Variants in SRR observed in about 807,000 individuals in gnomAD.
SRR encodes the protein D-serine ammonia-lyase.
Under a neutral mutation model 32.7 loss-of-function variants are expected in SRR, and 19 were observed. The ratio of observed to expected loss-of-function variants is 0.58; its 90% CI spans 0.40 to 0.85. SRR has a LOEUF of 0.85. Ranked by LOEUF, SRR falls within the 40% of genes least tolerant of loss-of-function variation. The probability of loss-of-function intolerance (pLI) is 0.00; values close to 1 mark genes in which losing one functional copy is unlikely to be tolerated. For missense variants in SRR, 373 were observed against 404.7 expected (o/e 0.92, Z 0.67); for synonymous variants, 142 against 140.9 (o/e 1.01, Z -0.06).
intron 1 of SRR, among the ~76,000 whole-genome samples, chr17:2,313,246 A>G (rs1395542787): frequency 1.3e-5 from 2 of 151,972 alleles, no homozygotes; most frequent in Non-Finnish European, 2.9e-5. Flanking sequence ...CCTGGCCAAC[A>G]TGGTGAAACC....
intron 2 of SRR, among the ~76,000 whole-genome samples, chr17:2,316,879 ATTTTT>A (rs536120942): frequency 8.1e-6 from 1 of 123,788 alleles, no homozygotes; most frequent in Admixed American, 8.5e-5. Flanking sequence ...CGCCCAGCTA[ATTTTT>A]TTTTTTTTTT....
chr17:2,322,986 A>T, intron 6 of SRR, 150 bp from the exon 7 acceptor site: 1 of 711,206 alleles, frequency 1.4e-6, no homozygotes, highest in South Asian at 1.8e-5. Context: ...GCTGGTCTTG[A>T]ACTCCTGACC....
At chr17:2,309,568 A>G (rs995783710) in intron 1 of SRR, among the ~76,000 whole-genome samples, 5 of 152,020 alleles carry the variant, frequency 3.3e-5, no homozygotes, top group African/African-American at 1.2e-4. Flanking sequence ...TCCAGTTCCC[A>G]CTAATGTTCC....
Position 2,317,908 on chromosome 17 carries a change from T to C in SRR, c.207T>C (p.Pro69=), listed in dbSNP as rs1269732260. Residue 69 remains proline (P), a synonymous_variant, in exon 3 of 8, where the codon CCT becomes CCC. Transcript: ENST00000344595. The part of the protein sequence containing the change: ...GALNAVRSLV[P]DALERKPKAV... The stretch of plus-strand genomic sequence containing the variant: ...TCAATGCCGTCAGAAGCTTGGTTCC[T>C]GATGCTTTAGAAAGGAAGCCGAAAG... The C allele has an allele frequency of 3.1e-6, 5 of 1,613,866 alleles. No individual in the cohort carries two copies. The South Asian group carries it at 3.3e-5, about 11-fold the overall frequency.
At position 2,324,887 on chromosome 17, in the gene SRR, T is replaced by C. The variant is rs1315078405; in HGVS notation, c.*1014T>C. The C allele has an allele frequency of 2.6e-5, 41 of 1,558,102 alleles. No individual in the cohort carries two copies. Among genetic ancestry groups the C allele is most frequent in the Non-Finnish European group, 3.4e-5 (39 of 1,158,042 alleles). On this transcript the variant is annotated 3_prime_UTR_variant, in exon 8 of 8. Transcript: ENST00000344595. Reference sequence around the variant, plus strand: ...ATTTACAGGCCAAAGTCTTCATTTATTGCCCAGTCCATTTAAAGACCCATG... The same window carrying C: ...ATTTACAGGCCAAAGTCTTCATTTACTGCCCAGTCCATTTAAAGACCCATG...
rs139064559 is a variant in SRR at position 2,324,277 on chromosome 17, A to T, written c.*404A>T. On this transcript the variant is annotated 3_prime_UTR_variant, in exon 8 of 8. Coordinates refer to ENST00000344595, the MANE Select transcript of SRR (RefSeq NM_021947.3). The stretch of plus-strand genomic sequence containing the variant: ...CTGGTTCTGGTACATATGGATCATA[A>T]GTCCATTTGGGGAAGACTCGTTTAT... 2,678 of 1,554,974 alleles carry T rather than the reference A, an allele frequency of 1.7e-3. 10 individuals are homozygous for T. Among genetic ancestry groups the T allele is most frequent in the South Asian group, 5.5e-3 (442 of 79,848 alleles).
At chr17:2,320,298 C>A (rs2151435948) in intron 4 of SRR, among the ~76,000 whole-genome samples, 1 of 147,024 alleles carries the variant, frequency 6.8e-6, no homozygotes, top group East Asian at 2.0e-4. Context: ...CCCCGTCTCC[C>A]AGGCTGGAGT....
At position 2,315,730 on chromosome 17, in the gene SRR, T is replaced by TAAC. The variant is rs2075468072; in HGVS notation, c.168+5_168+7dup. 3 of 1,612,884 alleles carry TAAC rather than the reference T, an allele frequency of 1.9e-6. No homozygotes were observed. The highest frequency in any genetic ancestry group is 2.5e-6 in the Non-Finnish European group (3 of 1,179,472). On this transcript the variant is annotated splice_region_variant and intron_variant, in intron 2 of 7. Transcript: ENST00000344595. ...TTCCAGAAAACAGGATCTTTTAAGG[T>TAAC]AACAATCCTTTTTCTCAGTGTATCA...
chr17:2,317,178 G>A (rs1243726436), intron 2 of SRR, among the ~76,000 whole-genome samples: 3 of 141,752 alleles, frequency 2.1e-5, no homozygotes, highest in East Asian at 4.6e-4. Context: ...ACTCCACCAT[G>A]GGTGATAGAG....
At position 2,323,890 on chromosome 17, in the gene SRR, T is replaced by C; in HGVS notation, c.*17T>C. On this transcript the variant is annotated 3_prime_UTR_variant, in exon 8 of 8. Coordinates refer to ENST00000344595, the MANE Select transcript of SRR (RefSeq NM_021947.3). ...TCTGTTTAATTTACAGAAAAGGAAA[T>C]GGTGGGAATTCAGTGTCTTTAGATA... 5 of 1,607,996 alleles carry C rather than the reference T, an allele frequency of 3.1e-6. No homozygotes were observed. The highest frequency in any genetic ancestry group is 2.2e-5 in the South Asian group (2 of 90,778).
chr17:2,324,927 G>T lies in SRR; in HGVS notation c.*1054G>T. 7.1e-7 allele frequency: 1 copy of T among 1,401,534 alleles called. No individual in the cohort carries two copies. Among genetic ancestry groups the T allele is most frequent in the Non-Finnish European group, 9.5e-7 (1 of 1,052,540 alleles). The allele number at this position is 1,401,534 out of a possible 1,614,324, so 86.8% of individuals were successfully genotyped here. A position where few individuals can be genotyped will look rare whatever the true frequency, so the allele number is the denominator to read the frequency against. ...AAAGACCCATGCAAGAGCCTGGTTTGTCATCCCTGCCCTAGCCCAATCTGA... is the reference window on the plus strand; with the variant it reads ...AAAGACCCATGCAAGAGCCTGGTTTTTCATCCCTGCCCTAGCCCAATCTGA... On this transcript the variant is annotated 3_prime_UTR_variant, in exon 8 of 8. Coordinates refer to ENST00000344595, the MANE Select transcript of SRR (RefSeq NM_021947.3).
chr17:2,320,094 A>C (rs1862473532), intron 4 of SRR, among the ~76,000 whole-genome samples: 1 of 151,856 alleles, frequency 6.6e-6, no homozygotes, highest in African/African-American at 2.4e-5. Flanking sequence ...CTGGGATTAC[A>C]GGCGTGAGCC....
At chr17:2,313,674 T>C (rs1020375179) in intron 1 of SRR, among the ~76,000 whole-genome samples, 3 of 152,034 alleles carry the variant, frequency 2.0e-5, no homozygotes, top group African/African-American at 7.2e-5. Context: ...AGGCAGAGGT[T>C]GCAGTGAGCC....
At chr17:2,303,859 G>A (rs1452286038), upstream of SRR, 2 of 681,644 alleles carry the variant, frequency 2.9e-6, no homozygotes, top group Non-Finnish European at 4.5e-6. Context: ...TCCGAACGAC[G>A]GTGGCCGCGC....
intron 1 of SRR, among the ~76,000 whole-genome samples, chr17:2,309,251 C>G (rs563263346): frequency 6.6e-6 from 1 of 152,154 alleles, no homozygotes; most frequent in African/African-American, 2.4e-5. Context: ...GTGTGAGCCA[C>G]CAGGCCTGGC....
At position 2,323,850 on chromosome 17, in the gene SRR, T is replaced by G. The variant is rs1169600822; in HGVS notation, c.1000T>G (p.Ser334Ala). ...TWVKQAERPA[S>A]YQSVSV ...GGTGAAGCAGGCTGAAAGGCCAGCT[T>G]CTTATCAGTCTGTTTCTGTTTAATT... is the stretch of plus-strand genomic sequence containing the variant. The change falls in exon 8 of 8, where the codon TCT becomes GCT. Residue 334 changes from serine to alanine, a missense_variant. By Grantham distance (99) the Ser-to-Ala change is moderately conservative. Coordinates refer to ENST00000344595, the MANE Select transcript of SRR (RefSeq NM_021947.3). 5.6e-6 allele frequency: 9 copies of G among 1,614,148 alleles called. No homozygotes were observed. Among genetic ancestry groups the G allele is most frequent in the Non-Finnish European group, 6.8e-6 (8 of 1,180,020 alleles).
At chr17:2,308,307 A>G (rs2075408190) in intron 1 of SRR, among the ~76,000 whole-genome samples, 1 of 152,174 alleles carries the variant, frequency 6.6e-6, no homozygotes, top group African/African-American at 2.4e-5. Context: ...GTAAACAATC[A>G]GAAATAAGGG....
intron 1 of SRR, among the ~76,000 whole-genome samples, chr17:2,305,437 G>C (rs2075380681): frequency 6.6e-6 from 1 of 152,082 alleles, no homozygotes; most frequent in Admixed American, 6.6e-5. Flanking sequence ...GAAGGAAAAG[G>C]TAATAGATAA....
chr17:2,303,513 T>C, upstream of SRR: 1 of 1,329,402 alleles, frequency 7.5e-7, no homozygotes, highest in Non-Finnish European at 9.6e-7. Flanking sequence ...CCCCAGCGCC[T>C]ACTGCTGGGG....
Sources: gnomAD v4.1 joint callset for allele counts (sites outside exome capture counted in the v4.1 genomes callset) on GRCh38, gnomAD v4.1.1 for gene constraint, MANE v1.5 for transcripts, NCBI Gene and HGNC (gene_info 2026-07-23, HGNC 2026-07-21) for gene names.